Variants in AOPEP observed in about 807,000 individuals in gnomAD.
AOPEP encodes aminopeptidase O (putative).
A neutral mutation model predicts 98.1 loss-of-function variants in AOPEP; 77 were observed. The ratio of observed to expected loss-of-function variants is 0.78; its 90% CI spans 0.65 to 0.95. The LOEUF (loss-of-function observed/expected upper bound fraction) is 0.95. Ranked by LOEUF, AOPEP falls within the 40% of genes least tolerant of loss-of-function variation. The pLI, the probability that AOPEP is intolerant of heterozygous loss-of-function variation, is 0.00. For synonymous variants in AOPEP, 346 were observed against 365.3 expected (o/e 0.95, Z 0.60); for missense variants, 1,024 against 1,024.7 (o/e 1.00, Z 0.01).
chr9:94,949,799 T>C (rs1366402567), intron 7 of AOPEP, among the ~76,000 whole-genome samples: 1 of 152,242 alleles, frequency 6.6e-6, no homozygotes, highest in African/African-American at 2.4e-5. Flanking sequence ...GATAGAGAAT[T>C]CCTGTGCTTT....
intron 3 of AOPEP, among the ~76,000 whole-genome samples, chr9:94,777,386 C>G (rs1441619407): frequency 6.7e-6 from 1 of 149,946 alleles, no homozygotes; most frequent in African/African-American, 2.5e-5. Flanking sequence ...GAGCTGAGAT[C>G]GTGCCACTGC....
At chr9:94,736,587 T>C (rs967880216) in intron 1 of AOPEP, among the ~76,000 whole-genome samples, 8 of 152,216 alleles carry the variant, frequency 5.3e-5, no homozygotes, top group South Asian at 2.1e-4. Flanking sequence ...CTAATAGAGT[T>C]TAAAATGTTT....
chr9:94,746,546 T>G lies in AOPEP; in HGVS notation c.-135-13103T>G, dbSNP rs189273844. On this transcript the variant is annotated intron_variant, in intron 1 of 16. Transcript: ENST00000375315. ...CTATAATTTAGTTTAAGTGGTACGC[T>G]TCAGAAAACTGAAACATGCTATACT... Among the ~76,000 whole-genome samples, 368 of 152,332 alleles carry G rather than the reference T, an allele frequency of 2.4e-3. 1 individual carries two copies. The highest frequency in any genetic ancestry group is 4.0e-3 in the Non-Finnish European group (273 of 68,024).
chr9:94,863,030 C>T (rs6479577), intron 5 of AOPEP, among the ~76,000 whole-genome samples: 138,956 of 152,230 alleles, frequency 0.91, 63,636 homozygotes, highest in East Asian at 0.96. Flanking sequence ...AGCATAATGG[C>T]AAGATTTAAT....
At chr9:95,088,489 G>GT (rs1186907699), downstream of AOPEP, among the ~76,000 whole-genome samples, 1 of 149,704 alleles carries the variant, frequency 6.7e-6, no homozygotes, top group Non-Finnish European at 1.5e-5. Flanking sequence ...GATTATAGGC[G>GT]TGAACCACTG....
At chr9:94,741,371 C>T (rs1014583160) in intron 1 of AOPEP, among the ~76,000 whole-genome samples, 2 of 151,950 alleles carry the variant, frequency 1.3e-5, no homozygotes, top group African/African-American at 2.4e-5. Flanking sequence ...CTCCCAGGTT[C>T]ACGCCATTCT....
chr9:95,097,885 G>A, the AOPEP span, among the ~76,000 whole-genome samples: 9 of 152,132 alleles, frequency 5.9e-5, no homozygotes, highest in Non-Finnish European at 1.0e-4. Context: ...TTCTTTGGTT[G>A]TAAAATGGCT....
At chr9:94,892,330 G>A (rs947139566) in intron 5 of AOPEP, among the ~76,000 whole-genome samples, 7 of 152,144 alleles carry the variant, frequency 4.6e-5, no homozygotes, top group Non-Finnish European at 7.3e-5. Flanking sequence ...GAACCCTGAA[G>A]CAGTGTTCAT....
In AOPEP at chr9:94,926,571, G is replaced by A. The variant is rs117074107; in HGVS notation, c.1555-1854G>A. Among the ~76,000 whole-genome samples the A allele has an allele frequency of 5.4e-3, 830 of 152,318 alleles. 11 individuals carry two copies. The highest frequency in any genetic ancestry group is 0.034 in the Middle Eastern group (10 of 294). On this transcript the variant is annotated intron_variant, in intron 6 of 16. Transcript: ENST00000375315. Reference sequence around the variant, plus strand: ...CAGGCTGACCTCTCCCTTCAAGTGCGAGACTGGGCTGTTGCTGGCCCTGGC... The same window carrying A: ...CAGGCTGACCTCTCCCTTCAAGTGCAAGACTGGGCTGTTGCTGGCCCTGGC...
Position 94,760,251 on chromosome 9 carries a change from C to G in AOPEP, c.468C>G (p.Val156=). 1 of 1,614,056 alleles carries G rather than the reference C, an allele frequency of 6.2e-7. No homozygotes were observed. Among genetic ancestry groups the G allele is most frequent in the Non-Finnish European group, 8.5e-7 (1 of 1,180,028 alleles). ...GCTGTGATTTATCTGTGTTAAAAGTCGAGGAGGTGGATGTTGCTGCTGTGC... is the reference window on the plus strand; with the variant it reads ...GCTGTGATTTATCTGTGTTAAAAGTGGAGGAGGTGGATGTTGCTGCTGTGC... ...LDCCDLSVLK[V]EEVDVAAVPG... Residue 156 remains valine, a synonymous_variant, in exon 2 of 17, where the codon GTC becomes GTG. Transcript: ENST00000375315.
chr9:95,103,339 C>T, the AOPEP span, among the ~76,000 whole-genome samples: 1 of 152,232 alleles, frequency 6.6e-6, no homozygotes, highest in South Asian at 2.1e-4. Flanking sequence ...TGCCTCCCTG[C>T]TGGCCTTGGC....
At chr9:94,757,406 G>C (rs1276239600) in intron 1 of AOPEP, among the ~76,000 whole-genome samples, 1 of 152,174 alleles carries the variant, frequency 6.6e-6, no homozygotes, top group Non-Finnish European at 1.5e-5. Flanking sequence ...CACATACCAC[G>C]TAGTACACTG....
intron 13 of AOPEP, among the ~76,000 whole-genome samples, chr9:95,058,075 C>G (rs888145587): frequency 3.3e-5 from 5 of 152,204 alleles, no homozygotes; most frequent in African/African-American, 1.2e-4. Context: ...TCCATTGATC[C>G]TTTTGGTTCT....
At chr9:95,058,077 T>C (rs1005861798) in intron 13 of AOPEP, among the ~76,000 whole-genome samples, 3 of 152,218 alleles carry the variant, frequency 2.0e-5, no homozygotes, top group Non-Finnish European at 4.4e-5. Flanking sequence ...CATTGATCCT[T>C]TTGGTTCTGT....
intron 11 of AOPEP, among the ~76,000 whole-genome samples, chr9:94,982,459 ATTC>A (rs1350549121): frequency 6.6e-6 from 1 of 152,136 alleles, no homozygotes; most frequent in Non-Finnish European, 1.5e-5. Context: ...GTAGGCGCAC[ATTC>A]TTTTGAAATA....
At chr9:95,011,430 C>G (rs1330347639) in intron 13 of AOPEP, among the ~76,000 whole-genome samples, 1 of 152,122 alleles carries the variant, frequency 6.6e-6, no homozygotes, top group Non-Finnish European at 1.5e-5. Context: ...TCTCTATCTC[C>G]TGACCTCGTG....
chr9:94,893,332 A>G (rs2049087019), intron 5 of AOPEP, among the ~76,000 whole-genome samples: 1 of 152,154 alleles, frequency 6.6e-6, no homozygotes, highest in African/African-American at 2.4e-5. Flanking sequence ...TAGCAGTGTA[A>G]GGCCCATTGG....
At chr9:95,111,379 G>A in the AOPEP span, 1 of 1,597,554 alleles carries the variant, frequency 6.3e-7, no homozygotes, top group Non-Finnish European at 8.5e-7. Context: ...TGGAAGCCAA[G>A]CCCACAACAG....
intron 5 of AOPEP, among the ~76,000 whole-genome samples, chr9:94,856,257 C>T (rs2044196482): frequency 6.6e-6 from 1 of 152,018 alleles, no homozygotes; most frequent in Non-Finnish European, 1.5e-5. Flanking sequence ...CGGGTAAGGA[C>T]TCAGGTATAA....
Sources: gnomAD v4.1 joint callset for allele counts (sites outside exome capture counted in the v4.1 genomes callset) on GRCh38, gnomAD v4.1.1 for gene constraint, MANE v1.5 for transcripts, NCBI Gene and HGNC (gene_info 2026-07-23, HGNC 2026-07-21) for gene names.